The following EVL variants were observed in gnomAD, a reference collection of about 807,000 sequenced individuals.
The protein encoded by EVL is Enah/Vasp-like.
EVL carries 21 observed loss-of-function variants against 59.6 expected under a neutral mutation model. The ratio of observed to expected loss-of-function variants is 0.35; its 90% CI spans 0.25 to 0.51. The LOEUF is 0.51. Among genes scored for constraint, EVL ranks in the 20% least tolerant of loss-of-function variants. The pLI is 0.97. For missense variants in EVL, 462 were observed against 546.6 expected (o/e 0.85, Z 1.54); for synonymous variants, 198 against 203.5 (o/e 0.97, Z 0.23).
At chr14:99,989,211 C>G (rs886972998) in intron 1 of EVL, among the ~76,000 whole-genome samples, 4 of 152,090 alleles carry the variant, frequency 2.6e-5, no homozygotes. Flanking sequence ...AAATAGAAAC[C>G]TGGAGGTGTG....
Position 99,972,801 on chromosome 14 carries a change from C to CT in EVL, c.5+755dup, listed in dbSNP as rs372253701. ...TGTCGTGACTTTTTTGGGGTAATCACTTTTTTTTTTTCCATTTGTAATTTT... is the reference window on the plus strand; with the variant it reads ...TGTCGTGACTTTTTTGGGGTAATCACTTTTTTTTTTTTCCATTTGTAATTTT... On this transcript the variant is annotated intron_variant, in intron 1 of 13. Transcript: ENST00000402714. The surrounding 1 kb of genome is among the most constrained non-coding windows in gnomAD (Gnocchi z 4.4). Among the ~76,000 whole-genome samples the CT allele has an allele frequency of 8.9e-4, 132 of 147,564 alleles. No individual in the cohort carries two copies. The highest frequency in any genetic ancestry group is 3.4e-3 in the East Asian group (17 of 5,052).
In EVL at chr14:100,109,871, C is replaced by G. The variant is rs1881183208; in HGVS notation, c.358+12213C>G. On this transcript the variant is annotated intron_variant, in intron 3 of 13. Transcript: ENST00000392920. This position sits in a 1 kb window ranked among gnomAD's most constrained non-coding sequence, Gnocchi z 4.3. ...AGGAACTTCGGACGTGAACTCGGAT[C>G]TGGTTCCAGTACCAGCTGTGCCAGG... The G allele has an allele frequency of 2.6e-6, 1 of 385,340 alleles. No homozygotes were observed. The highest frequency in any genetic ancestry group is 8.6e-4 in the Middle Eastern group (1 of 1,158). The allele number at this position is 385,340 out of a possible 1,614,324, so 23.9% of individuals were successfully genotyped here. A position where few individuals can be genotyped will look rare whatever the true frequency, so the allele number is the denominator to read the frequency against.
chr14:99,975,141 A>C (rs1051397165), intron 1 of EVL: 2 of 152,276 alleles, frequency 1.3e-5, no homozygotes, highest in Non-Finnish European at 2.9e-5. Flanking sequence ...CACTGGTCTC[A>C]TTCGCCATTT....
In EVL at chr14:100,141,828, G is replaced by A. The variant is rs755122075; in HGVS notation, c.1219+35G>A. On this transcript the variant is annotated intron_variant, in intron 13 of 13. Transcript: ENST00000392920. The stretch of plus-strand genomic sequence containing the variant: ...GCCCCACCGGGGAGGGTGGCACCCA[G>A]GTGTGGCCGCAGGACAAGGGTCCCT... 2.0e-5 allele frequency: 32 copies of A among 1,605,450 alleles called. No homozygotes were observed. In the East Asian group the frequency reaches 6.9e-4, roughly 35 times the overall value.
chr14:100,046,670 G>A (rs1370276283), intron 1 of EVL, among the ~76,000 whole-genome samples: 21 of 102,776 alleles, frequency 2.0e-4, no homozygotes, highest in East Asian at 5.0e-4. Context: ...TTCCTCCCCC[G>A]CGCCGCCAAA....
At chr14:100,077,540 A>G (rs1207013122) in intron 1 of EVL, among the ~76,000 whole-genome samples, 1 of 152,232 alleles carries the variant, frequency 6.6e-6, no homozygotes, top group African/African-American at 2.4e-5. Flanking sequence ...TTATCAGTGT[A>G]TTGGTGCTCG....
At chr14:100,106,733 C>T (rs1040557885) in intron 3 of EVL, 6 of 397,804 alleles carry the variant, frequency 1.5e-5, no homozygotes, top group South Asian at 2.8e-4. Context: ...TTGTGAAACT[C>T]GGGCTGGTTC....
intron 1 of EVL, among the ~76,000 whole-genome samples, chr14:100,022,310 C>G (rs1439403621): frequency 1.3e-5 from 2 of 148,864 alleles, no homozygotes; most frequent in Non-Finnish European, 3.0e-5. Context: ...CAGACTCACT[C>G]TCTGTCACCC....
At chr14:99,991,116 C>T (rs925139457) in intron 1 of EVL, among the ~76,000 whole-genome samples, 2 of 152,152 alleles carry the variant, frequency 1.3e-5, no homozygotes, top group African/African-American at 4.8e-5. Context: ...ACCCCTCCCT[C>T]CTCTTCAGCC....
At chr14:100,008,936 T>A (rs1034986414) in intron 1 of EVL, among the ~76,000 whole-genome samples, 1 of 152,208 alleles carries the variant, frequency 6.6e-6, no homozygotes, top group East Asian at 1.9e-4. Flanking sequence ...AAACACTGCT[T>A]TTTACATCTT....
At chr14:100,041,681 A>T (rs2061469845) in intron 1 of EVL, among the ~76,000 whole-genome samples, 1 of 152,232 alleles carries the variant, frequency 6.6e-6, no homozygotes, top group South Asian at 2.1e-4. Flanking sequence ...TGCAAAATAC[A>T]TCCCAGACTT....
rs368484673 is a variant in EVL, at chr14:100,073,320, CTTTTTTTTT to C, written c.11+7817_11+7825del. Among the ~76,000 whole-genome samples, 66 of 137,360 alleles carry C rather than the reference CTTTTTTTTT, an allele frequency of 4.8e-4. 1 individual carries two copies. Among genetic ancestry groups the C allele is most frequent in the African/African-American group, 1.7e-3 (62 of 37,022 alleles). 90.1% of individuals were successfully genotyped at this position (137,360 alleles called of 152,430 possible). On this transcript the variant is annotated intron_variant, in intron 1 of 13. Coordinates refer to ENST00000392920, the MANE Select transcript of EVL (RefSeq NM_016337.3). ...GCACGTACAGCACTTTTTCCTTTTT[CTTTTTTTTT>C]TTTTTTTGGGGAGACAGGGTCTTGC... is the stretch of plus-strand genomic sequence containing the variant.
intron 1 of EVL, among the ~76,000 whole-genome samples, chr14:99,991,712 C>A (rs1302929874): frequency 6.6e-6 from 1 of 151,982 alleles, no homozygotes; most frequent in Non-Finnish European, 1.5e-5. Flanking sequence ...GCAGCAACCA[C>A]AGGCGCTGCC....
chr14:100,048,592 T>TAACATATAACCC (rs2061593798), intron 1 of EVL, among the ~76,000 whole-genome samples: 2 of 152,314 alleles, frequency 1.3e-5, no homozygotes, highest in East Asian at 3.9e-4. Flanking sequence ...TACATACAGT[T>TAACATATAACCC]AACATATAAC....
intron 1 of EVL, among the ~76,000 whole-genome samples, chr14:100,051,720 G>A (rs1337118804): frequency 6.6e-6 from 1 of 152,134 alleles, no homozygotes; most frequent in African/African-American, 2.4e-5. Context: ...TTCAAACTGG[G>A]GCATGTTTAT....
At chr14:100,005,748 C>T (rs2060974831) in intron 1 of EVL, among the ~76,000 whole-genome samples, 1 of 151,568 alleles carries the variant, frequency 6.6e-6, no homozygotes, top group South Asian at 2.1e-4. Flanking sequence ...ATCTCATTAC[C>T]ATATTTCAGC....
At chr14:99,991,037 T>G (rs548065697) in intron 1 of EVL, among the ~76,000 whole-genome samples, 11 of 152,188 alleles carry the variant, frequency 7.2e-5, no homozygotes, top group Admixed American at 7.2e-4. Context: ...TGGAAAAATT[T>G]TTTGGAGATT....
chr14:100,093,952 ATTG>A (rs1263086312), intron 2 of EVL, among the ~76,000 whole-genome samples: 3 of 152,306 alleles, frequency 2.0e-5, no homozygotes, highest in Non-Finnish European at 2.9e-5. Flanking sequence ...ATTATTAGTT[ATTG>A]TTGTTAATCT....
intron 2 of EVL, among the ~76,000 whole-genome samples, chr14:100,091,193 C>T (rs189128756): frequency 9.9e-5 from 15 of 152,236 alleles, no homozygotes; most frequent in Admixed American, 7.8e-4. Context: ...TTTCACCTGC[C>T]CCTTTTCTCC....
Sources: allele counts gnomAD v4.1 joint callset (sites outside exome capture counted in the v4.1 genomes callset), GRCh38; gene constraint gnomAD v4.1.1; non-coding constraint Gnocchi (gnomAD v3.1); transcripts MANE v1.5; gene names NCBI Gene and HGNC (gene_info 2026-07-23, HGNC 2026-07-21).